DRAXIN: variants seen among roughly 807,000 people sequenced by gnomAD.
DRAXIN encodes dorsal inhibitory axon guidance protein, also known as dorsal repulsive axon guidance protein.
Under a neutral mutation model 33.9 loss-of-function variants are expected in DRAXIN, and 27 were observed. The observed-to-expected ratio is 0.80, with a 90% CI of 0.59 to 1.10. The LOEUF is 1.10. DRAXIN is among the 50% of genes least tolerant of loss of function. The pLI, the probability that DRAXIN is intolerant of heterozygous loss-of-function variation, is 0.00. For synonymous variants in DRAXIN, 178 were observed against 194.0 expected (o/e 0.92, Z 0.69); for missense variants, 371 against 460.8 (o/e 0.81, Z 1.78).
At chr1:11,708,849 C>T (rs574687882) in intron 2 of DRAXIN, among the ~76,000 whole-genome samples, 6 of 152,302 alleles carry the variant, frequency 3.9e-5, no homozygotes. Context: ...AGCAGTGATT[C>T]CCACCTCCCA....
chr1:11,708,305 T>G (rs1641422916), intron 2 of DRAXIN, among the ~76,000 whole-genome samples: 1 of 152,228 alleles, frequency 6.6e-6, no homozygotes, highest in South Asian at 2.1e-4. Context: ...GCTCTGCTAA[T>G]GACTGGCTGT....
In DRAXIN at chr1:11,692,953, G is replaced by A. The variant is rs1641104984; in HGVS notation, c.-11+1100G>A. 6.6e-6 allele frequency among the ~76,000 whole-genome samples: 1 copy of A among 152,046 alleles called. No individual in the cohort carries two copies. The highest frequency in any genetic ancestry group is 1.5e-5 in the Non-Finnish European group (1 of 67,958). On this transcript the variant is annotated intron_variant, in intron 1 of 6. Coordinates refer to ENST00000294485, the MANE Select transcript of DRAXIN (RefSeq NM_198545.4). The surrounding 1 kb of genome is among the most constrained non-coding windows in gnomAD (Gnocchi z 5.8). ...TCACACACCCTGTGGAGGAAGGGAG[G>A]GGAGGGGAGGGGAGTCTACAGACCT...
chr1:11,709,327 C>T lies in DRAXIN; in HGVS notation c.504C>T (p.Ser168=), dbSNP rs774937470. 23 of 1,613,756 alleles carry T rather than the reference C, an allele frequency of 1.4e-5. No individual in the cohort carries two copies. The highest frequency in any genetic ancestry group is 1.3e-4 in the East Asian group (6 of 44,882). The change falls in exon 3 of 7, where the codon TCC becomes TCT. Residue 168 remains serine (S), a synonymous_variant. Coordinates refer to ENST00000294485, the MANE Select transcript of DRAXIN (RefSeq NM_198545.4). The stretch of plus-strand genomic sequence containing the variant: ...CCCTGATGAAGAAGGCAGAGCTCTC[C>T]GAAGCCCAGGTGCTGGATGCAGCCA... ...PSSLMKKAEL[S]EAQVLDAAME... is the part of the protein sequence containing the mutation.
chr1:11,704,334 G>A lies in DRAXIN; in HGVS notation c.-10-1915G>A, dbSNP rs1641345200. Among the ~76,000 whole-genome samples, 1 of 152,192 alleles carries A rather than the reference G, an allele frequency of 6.6e-6. No individual in the cohort carries two copies. The highest frequency in any genetic ancestry group is 2.1e-4 in the South Asian group (1 of 4,836). On this transcript the variant is annotated intron_variant, in intron 1 of 6. Coordinates refer to ENST00000294485, the MANE Select transcript of DRAXIN (RefSeq NM_198545.4). This position sits in a 1 kb window ranked among gnomAD's most constrained non-coding sequence, Gnocchi z 4.6. ...GCCTTTCCAGTCACAAGGAGAGCAG[G>A]GGGTGAAGTCTGGCAGTGGTCAGGC... is the stretch of plus-strand genomic sequence containing the variant.
upstream of DRAXIN, among the ~76,000 whole-genome samples, chr1:11,691,189 G>T (rs1366264774): frequency 1.4e-5 from 2 of 145,752 alleles, no homozygotes; most frequent in African/African-American, 2.5e-5. Flanking sequence ...CGTCCCTTTT[G>T]ACAGTCTAGG....
At position 11,704,399 on chromosome 1, in the gene DRAXIN, C is replaced by G. The variant is rs889671355; in HGVS notation, c.-10-1850C>G. Among the ~76,000 whole-genome samples the G allele has an allele frequency of 6.6e-6, 1 of 152,152 alleles. No individual in the cohort carries two copies. The highest frequency in any genetic ancestry group is 1.5e-5 in the Non-Finnish European group (1 of 68,026). On this transcript the variant is annotated intron_variant, in intron 1 of 6. Transcript: ENST00000294485. The surrounding 1 kb of genome is among the most constrained non-coding windows in gnomAD (Gnocchi z 4.6). ...GAGAGCAGCCCCGCTCCACTGGCCC[C>G]GAAGCAGGATTGAGGTTCCCTCTGC...
upstream of DRAXIN, among the ~76,000 whole-genome samples, chr1:11,687,262 CG>C (rs1557682584): frequency 6.6e-6 from 1 of 151,982 alleles, no homozygotes; most frequent in Non-Finnish European, 1.5e-5. This position sits in a 1 kb window ranked among gnomAD's most constrained non-coding sequence, Gnocchi z 4.1. Context: ...TTTTTTGAGA[CG>C]GAGTCTCTCT....
upstream of DRAXIN, chr1:11,691,399 CG>C (rs1198178857): frequency 6.6e-6 from 1 of 151,998 alleles, no homozygotes; most frequent in East Asian, 1.9e-4. Context: ...CGCGCCGAGG[CG>C]GCTCTTACGC....
At chr1:11,702,084 AAC>A in intron 1 of DRAXIN, among the ~76,000 whole-genome samples, 1 of 108,464 alleles carries the variant, frequency 9.2e-6, no homozygotes, top group African/African-American at 4.5e-5. Context: ...ACATGCTCAC[AAC>A]ACACATGCTC....
chr1:11,689,631 T>C (rs1340234179), upstream of DRAXIN, among the ~76,000 whole-genome samples: 4 of 152,242 alleles, frequency 2.6e-5, no homozygotes, highest in South Asian at 4.1e-4. Flanking sequence ...GGGAGAAGCA[T>C]GAATAATCCA....
rs1641200690 is a variant in DRAXIN, at chr1:11,696,877, A to G, written c.-11+5024A>G. Among the ~76,000 whole-genome samples, 1 of 151,614 alleles carries G rather than the reference A, an allele frequency of 6.6e-6. No homozygotes were observed. The highest frequency in any genetic ancestry group is 1.5e-5 in the Non-Finnish European group (1 of 67,870). ...CTCTGTCTCAAAAAACAAAAACAAA[A>G]CAAATCAAAATAGCCAGGCATGGTG... On this transcript the variant is annotated intron_variant, in intron 1 of 6. Transcript: ENST00000294485. This position sits in a 1 kb window ranked among gnomAD's most constrained non-coding sequence, Gnocchi z 4.7.
At chr1:11,712,104 G>T in intron 4 of DRAXIN, 139 bp downstream of exon 4, 1 of 906,264 alleles carries the variant, frequency 1.1e-6, no homozygotes, top group East Asian at 2.6e-5. Flanking sequence ...GGAGCATGGA[G>T]CCTAACCTGG....
At chr1:11,712,016 G>C in intron 4 of DRAXIN, 51 bp downstream of exon 4, 1 of 1,542,054 alleles carries the variant, frequency 6.5e-7, no homozygotes, top group Non-Finnish European at 8.8e-7. Flanking sequence ...CTGCCCTCCC[G>C]CACCATCTGT....
At chr1:11,698,165 G>C (rs1641221391) in intron 1 of DRAXIN, among the ~76,000 whole-genome samples, 1 of 152,206 alleles carries the variant, frequency 6.6e-6, no homozygotes, top group Non-Finnish European at 1.5e-5. Context: ...CTCATGAAGG[G>C]AGGAGATGTT....
chr1:11,707,507 C>G (rs1333447435), intron 2 of DRAXIN, among the ~76,000 whole-genome samples: 8 of 152,202 alleles, frequency 5.3e-5, no homozygotes, highest in Non-Finnish European at 1.0e-4. Flanking sequence ...CCCATCCCAT[C>G]TACCCTCAGT....
intron 3 of DRAXIN, 110 bp from the exon 4 acceptor site, chr1:11,711,741 G>A (rs767623591): frequency 1.0e-6 from 1 of 981,294 alleles, no homozygotes; most frequent in Non-Finnish European, 1.6e-6. Flanking sequence ...CCCAGCAGAG[G>A]ATAAGGTGGC....
At position 11,693,973 on chromosome 1, in the gene DRAXIN, A is replaced by C. The variant is rs72869764; in HGVS notation, c.-11+2120A>C. ...ACGATGGAGAACTGACCATCTCCAC[A>C]GTCTGCCCTCCTCTGAGCTTTTGCT... On this transcript the variant is annotated intron_variant, in intron 1 of 6. Transcript: ENST00000294485. 7.8e-3 allele frequency among the ~76,000 whole-genome samples: 1,191 copies of C among 152,250 alleles called. 15 individuals are homozygous for C. The highest frequency in any genetic ancestry group is 0.027 in the African/African-American group (1,135 of 41,534).
intron 1 of DRAXIN, among the ~76,000 whole-genome samples, chr1:11,697,741 A>G (rs1327221027): frequency 2.0e-5 from 3 of 152,034 alleles, no homozygotes; most frequent in Non-Finnish European, 4.4e-5. Context: ...TGCGATCTCC[A>G]TCGCAAGGAG....
chr1:11,688,407 A>C (rs1641000014), upstream of DRAXIN, among the ~76,000 whole-genome samples: 1 of 152,050 alleles, frequency 6.6e-6, no homozygotes, highest in South Asian at 2.1e-4. The surrounding 1 kb of genome is among the most constrained non-coding windows in gnomAD (Gnocchi z 4.6). Flanking sequence ...TAAAAATACA[A>C]AAAATTAGCC....
Sources: gnomAD v4.1 joint callset for allele counts (sites outside exome capture counted in the v4.1 genomes callset) on GRCh38, gnomAD v4.1.1 for gene constraint, Gnocchi (gnomAD v3.1) non-coding constraint, MANE v1.5 for transcripts, NCBI Gene and HGNC (gene_info 2026-07-23, HGNC 2026-07-21) for gene names.